The following PARVA variants were observed in gnomAD, a reference collection of about 807,000 sequenced individuals.
PARVA encodes alpha-parvin.
Under a neutral mutation model 52.6 loss-of-function variants are expected in PARVA, and 25 were observed. The observed-to-expected ratio is 0.48, with a 90% CI of 0.35 to 0.66. PARVA has a LOEUF of 0.66. PARVA is among the 30% of genes least tolerant of loss of function. The pLI is 0.01. For synonymous variants in PARVA, 185 were observed against 179.1 expected (o/e 1.03, Z -0.26); for missense variants, 373 against 450.9 (o/e 0.83, Z 1.56).
intron 1 of PARVA, among the ~76,000 whole-genome samples, chr11:12,455,845 A>G (rs962204034): frequency 5.3e-5 from 8 of 152,104 alleles, no homozygotes; most frequent in African/African-American, 1.9e-4. Flanking sequence ...GGCCATCACC[A>G]TACCATCTTC....
chr11:12,450,627 T>A (rs1940610011), intron 1 of PARVA, among the ~76,000 whole-genome samples: 1 of 152,184 alleles, frequency 6.6e-6, no homozygotes, highest in African/African-American at 2.4e-5. Flanking sequence ...AGGTAAAGTC[T>A]CACAATAGGC....
intron 7 of PARVA, 57 bp from the exon 8 acceptor site, chr11:12,511,457 G>A: frequency 6.4e-7 from 1 of 1,567,610 alleles, no homozygotes; most frequent in Non-Finnish European, 8.7e-7. Context: ...CAGAGGACTG[G>A]CCTCTTATAA....
intron 1 of PARVA, among the ~76,000 whole-genome samples, chr11:12,455,822 A>C (rs1940686982): frequency 6.6e-6 from 1 of 152,036 alleles, no homozygotes; most frequent in Admixed American, 6.6e-5. Flanking sequence ...ACCACCACCC[A>C]TTACAGCCCC....
In PARVA at chr11:12,430,683, C is replaced by T. The variant is rs527397021; in HGVS notation, c.137-43062C>T. Among the ~76,000 whole-genome samples the T allele has an allele frequency of 7.9e-5, 12 of 152,208 alleles. No individual in the cohort carries two copies. The South Asian group carries it at 2.3e-3, about 29-fold the overall frequency. On this transcript the variant is annotated intron_variant, in intron 1 of 12. Transcript: ENST00000334956. ...CCTTTCCATCTCACCCTTATTTTCC[C>T]TTATATCTTAAAAAAAGGAATAAGA...
intron 4 of PARVA, 120 bp downstream of exon 4, chr11:12,478,069 T>C (rs1564857541): frequency 2.6e-6 from 2 of 757,750 alleles, no homozygotes; most frequent in Admixed American, 3.7e-5. Context: ...GGATTACAAA[T>C]GTGTGGAGCA....
At chr11:12,503,500 T>C (rs904340444) in intron 5 of PARVA, among the ~76,000 whole-genome samples, 1 of 151,912 alleles carries the variant, frequency 6.6e-6, no homozygotes, top group Non-Finnish European at 1.5e-5. Flanking sequence ...CATGGGAACC[T>C]GGGATTAGAG....
chr11:12,498,747 G>C (rs192036521), intron 5 of PARVA, among the ~76,000 whole-genome samples: 1 of 151,654 alleles, frequency 6.6e-6, no homozygotes, highest in East Asian at 1.9e-4. Flanking sequence ...CCTAACTTTC[G>C]TATTTTTAGT....
At chr11:12,421,261 G>A (rs1185972980) in intron 1 of PARVA, among the ~76,000 whole-genome samples, 1 of 152,038 alleles carries the variant, frequency 6.6e-6, no homozygotes, top group Non-Finnish European at 1.5e-5. Flanking sequence ...CAAAACTGAA[G>A]TGTTTACATT....
At chr11:12,524,228 G>C (rs963853048) in intron 12 of PARVA, among the ~76,000 whole-genome samples, 7 of 152,128 alleles carry the variant, frequency 4.6e-5, no homozygotes, top group African/African-American at 1.7e-4. Context: ...TACCATTTAG[G>C]GGACCCTTAA....
At chr11:12,453,906 C>T (rs1398263615) in intron 1 of PARVA, among the ~76,000 whole-genome samples, 3 of 152,162 alleles carry the variant, frequency 2.0e-5, no homozygotes, top group African/African-American at 7.2e-5. Context: ...CCCCTGAAGA[C>T]GTATTGTGGG....
chr11:12,436,561 A>G (rs930539882), intron 1 of PARVA, among the ~76,000 whole-genome samples: 3 of 152,230 alleles, frequency 2.0e-5, no homozygotes, highest in Non-Finnish European at 4.4e-5. Flanking sequence ...AAAGGCTTCT[A>G]TGAAAGTTAG....
chr11:12,472,927 G>A (rs1203781837), intron 1 of PARVA, among the ~76,000 whole-genome samples: 1 of 152,158 alleles, frequency 6.6e-6, no homozygotes, highest in East Asian at 1.9e-4. Context: ...TTTGTACTAA[G>A]GCTCCATGTG....
intron 1 of PARVA, among the ~76,000 whole-genome samples, chr11:12,467,320 C>T (rs1036712600): frequency 3.3e-5 from 5 of 152,066 alleles, no homozygotes; most frequent in South Asian, 2.1e-4. Flanking sequence ...GAAATATCAC[C>T]GGCAAACAAA....
At chr11:12,467,486 A>T (rs1263373498) in intron 1 of PARVA, among the ~76,000 whole-genome samples, 1 of 152,206 alleles carries the variant, frequency 6.6e-6, no homozygotes, top group Non-Finnish European at 1.5e-5. Flanking sequence ...TCTCAACATA[A>T]TGTATGATGT....
At chr11:12,465,321 A>AG (rs1385392285) in intron 1 of PARVA, among the ~76,000 whole-genome samples, 5 of 152,192 alleles carry the variant, frequency 3.3e-5, no homozygotes, top group African/African-American at 1.2e-4. Flanking sequence ...ACCAGCACAA[A>AG]GGCCCTCACT....
chr11:12,440,816 C>T (rs771662580), intron 1 of PARVA, among the ~76,000 whole-genome samples: 1 of 152,254 alleles, frequency 6.6e-6, no homozygotes, highest in Non-Finnish European at 1.5e-5. Context: ...ACCTACAAAA[C>T]GAATCCCTCT....
At chr11:12,462,885 C>T (rs918907479) in intron 1 of PARVA, among the ~76,000 whole-genome samples, 2 of 152,176 alleles carry the variant, frequency 1.3e-5, no homozygotes, top group East Asian at 1.9e-4. Flanking sequence ...TTTGAGTTCT[C>T]AGGTGCTGTA....
At chr11:12,480,069 C>A (rs1312514680) in intron 4 of PARVA, 1 of 151,956 alleles carries the variant, frequency 6.6e-6, no homozygotes, top group Non-Finnish European at 1.5e-5. Context: ...ACTAAAAATA[C>A]AAAAATTAGC....
At chr11:12,416,007 T>C (rs1425123315) in intron 1 of PARVA, among the ~76,000 whole-genome samples, 1 of 152,232 alleles carries the variant, frequency 6.6e-6, no homozygotes, top group African/African-American at 2.4e-5. Context: ...AACTTAGAAC[T>C]GTTTATAACC....
Sources: allele counts gnomAD v4.1 joint callset (sites outside exome capture counted in the v4.1 genomes callset), GRCh38; gene constraint gnomAD v4.1.1; transcripts MANE v1.5; gene names NCBI Gene and HGNC (gene_info 2026-07-23, HGNC 2026-07-21).